RPGRIP1: variants seen among roughly 807,000 people sequenced by gnomAD.
The protein encoded by RPGRIP1 is X-linked retinitis pigmentosa GTPase regulator-interacting protein 1.
Under a neutral mutation model 157.9 loss-of-function variants are expected in RPGRIP1, and 128 were observed. The ratio of observed to expected loss-of-function variants is 0.81; its 90% CI spans 0.70 to 0.94. The LOEUF (loss-of-function observed/expected upper bound fraction) is 0.94. Ranked by LOEUF, RPGRIP1 falls within the 40% of genes least tolerant of loss-of-function variation. The probability of loss-of-function intolerance (pLI) is 0.00; values close to 1 mark genes in which losing one functional copy is unlikely to be tolerated. For synonymous variants in RPGRIP1, 554 were observed against 571.6 expected (o/e 0.97, Z 0.44); for missense variants, 1,486 against 1,545.8 (o/e 0.96, Z 0.65).
chr14:21,309,940 T>TTATC (rs3064199), intron 7 of RPGRIP1, among the ~76,000 whole-genome samples: 132,041 of 149,328 alleles, frequency 0.88, 58,768 homozygotes, highest in East Asian at 1. Flanking sequence ...AATACAAAAA[T>TTATC]TAGGTGTGGT....
chr14:21,325,691 G>GA, intron 16 of RPGRIP1, 140 bp from the exon 17 acceptor site: 1 of 707,036 alleles, frequency 1.4e-6, no homozygotes, highest in East Asian at 2.7e-5. Context: ...GCAGGCAGGT[G>GA]AAGATCATTA....
chr14:21,351,117 A>C lies in RPGRIP1; in HGVS notation c.3762A>C (p.Glu1254Asp), dbSNP rs774057081. Residue 1254 changes from glutamate (E) to aspartate (D), a missense_variant, in exon 25 of 25, where the codon GAA becomes GAC. Transcript: ENST00000400017. ...LEQELDIVSP[E>D]DLATPIGRLK... ...CTTTCCCAACAGTTGTTAGCCCTGA[A>C]GATCTGGCTACCCCAATAGGAAGGC... The C allele has an allele frequency of 6.2e-7, 1 of 1,607,920 alleles. No individual in the cohort carries two copies. The highest frequency in any genetic ancestry group is 8.5e-7 in the Non-Finnish European group (1 of 1,176,246).
intron 21 of RPGRIP1, among the ~76,000 whole-genome samples, chr14:21,341,858 A>G (rs963160085): frequency 6.6e-6 from 1 of 152,030 alleles, no homozygotes; most frequent in African/African-American, 2.4e-5. Flanking sequence ...GATCGAGACC[A>G]TCCTGGCTAA....
At position 21,302,415 on chromosome 14, in the gene RPGRIP1, T is replaced by G. The variant is rs572999672; in HGVS notation, c.491-73T>G. ...TCAAGACTCTATGCCCAGCCCTTCA[T>G]GTTCCAGTTTCAGTACTTGGTGTTC... is the stretch of plus-strand genomic sequence containing the variant. On this transcript the variant is annotated intron_variant, in intron 4 of 24. Transcript: ENST00000400017. 3.8e-5 allele frequency: 28 copies of G among 744,080 alleles called. No individual in the cohort carries two copies. In the South Asian group the frequency reaches 9.4e-4, roughly 25 times the overall value. The allele number at this position is 744,080 out of a possible 1,614,324, so 46.1% of individuals were successfully genotyped here.
At chr14:21,331,534 A>G (rs549687158) in intron 20 of RPGRIP1, among the ~76,000 whole-genome samples, 1 of 152,234 alleles carries the variant, frequency 6.6e-6, no homozygotes, top group Non-Finnish European at 1.5e-5. Context: ...TACAAAAAAC[A>G]AAAAACAGGA....
intron 20 of RPGRIP1, among the ~76,000 whole-genome samples, chr14:21,333,833 G>A (rs115732738): frequency 1.4e-3 from 218 of 151,956 alleles, no homozygotes; most frequent in African/African-American, 5.2e-3. Flanking sequence ...AAGGGGAGGG[G>A]ACAAAGACCC....
intron 21 of RPGRIP1, among the ~76,000 whole-genome samples, chr14:21,339,654 A>G (rs1828154359): frequency 1.3e-5 from 2 of 152,206 alleles, no homozygotes; most frequent in Admixed American, 6.5e-5. Flanking sequence ...TTAAAATAAT[A>G]CATGACCTTT....
chr14:21,324,349 G>GC (rs1172494953), intron 14 of RPGRIP1: 1 of 519,422 alleles, frequency 1.9e-6, no homozygotes, highest in Non-Finnish European at 3.5e-6. Flanking sequence ...GATAAAATGT[G>GC]CCCCCAGTGT....
chr14:21,348,973 TA>T (rs973846965), intron 24 of RPGRIP1, among the ~76,000 whole-genome samples: 1 of 151,804 alleles, frequency 6.6e-6, no homozygotes, highest in Admixed American at 6.6e-5. Flanking sequence ...TCTTGTCTCT[TA>T]AAAAGACATT....
rs139801509 is a variant in RPGRIP1 at position 21,324,209 on chromosome 14, G to C, written c.1763-409G>C. 62 of 302,776 alleles carry C rather than the reference G, an allele frequency of 2.0e-4. 2 individuals are homozygous for C. In the East Asian group the frequency reaches 3.1e-3, roughly 15 times the overall value. 18.8% of individuals were successfully genotyped at this position (302,776 alleles called of 1,614,324 possible). On this transcript the variant is annotated intron_variant, in intron 14 of 24. Coordinates refer to ENST00000400017, the MANE Select transcript of RPGRIP1 (RefSeq NM_020366.4). ...GTCATAGACACTATGTCTGCAACTT[G>C]CTATTATCTCCACGGCCAATATACC...
chr14:21,325,185 G>GCCA, intron 15 of RPGRIP1, 47 bp from the exon 16 acceptor site: 2 of 1,561,894 alleles, frequency 1.3e-6, no homozygotes, highest in South Asian at 2.4e-5. Context: ...CTTGATCCTT[G>GCCA]CCACACCATC....
intron 12 of RPGRIP1, 25 bp downstream of exon 12, chr14:21,320,202 G>C (rs1882247889): frequency 6.3e-7 from 1 of 1,598,700 alleles, no homozygotes; most frequent in South Asian, 1.1e-5. Context: ...AAACAAACTA[G>C]TCCACTCTGC....
chr14:21,327,345 G>C (rs1345875102), intron 17 of RPGRIP1, among the ~76,000 whole-genome samples: 1 of 152,150 alleles, frequency 6.6e-6, no homozygotes, highest in Non-Finnish European at 1.5e-5. Context: ...TTGGCTGGAT[G>C]ACTGATGACA....
At position 21,328,508 on chromosome 14, in the gene RPGRIP1, GAGA is replaced by G; in HGVS notation, c.2983_2985del (p.Lys995del). Reference sequence around the variant, plus strand: ...ACCTCCTCATGGGGGAGAAAGAAAGGAGAAGGAGCACCAGGTTGTGAGCTACTC... The same window carrying G: ...ACCTCCTCATGGGGGAGAAAGAAAGGAGGAGCACCAGGTTGTGAGCTACTC... On this transcript the variant is annotated inframe_deletion, in exon 19 of 25. Coordinates refer to ENST00000400017, the MANE Select transcript of RPGRIP1 (RefSeq NM_020366.4). 11 of 1,613,846 alleles carry G rather than the reference GAGA, an allele frequency of 6.8e-6. No homozygotes were observed. The highest frequency in any genetic ancestry group is 8.5e-6 in the Non-Finnish European group (10 of 1,179,792).
chr14:21,328,389 C>T, intron 18 of RPGRIP1, 35 bp from the exon 19 acceptor site: 1 of 1,502,320 alleles, frequency 6.7e-7, no homozygotes, highest in Non-Finnish European at 9.1e-7. Flanking sequence ...GTTAAACTAC[C>T]AGCTTGTAAT....
In RPGRIP1 at chr14:21,314,736, G is replaced by A. The variant is rs79408890; in HGVS notation, c.1151+2230G>A. On this transcript the variant is annotated intron_variant, in intron 10 of 24. Transcript: ENST00000400017. ...CTCGAAAAAAAAAAAAAAAATAGCCGGGCAGCTGGGCGCAGTGGCTCATGC... is the reference window on the plus strand; with the variant it reads ...CTCGAAAAAAAAAAAAAAAATAGCCAGGCAGCTGGGCGCAGTGGCTCATGC... Among the ~76,000 whole-genome samples, 466 of 146,458 alleles carry A rather than the reference G, an allele frequency of 3.2e-3. 1 individual carries two copies. The highest frequency in any genetic ancestry group is 0.026 in the Middle Eastern group (7 of 274).
chr14:21,313,390 CA>C (rs1019150733), intron 10 of RPGRIP1, among the ~76,000 whole-genome samples: 3 of 149,250 alleles, frequency 2.0e-5, no homozygotes, highest in African/African-American at 7.4e-5. Flanking sequence ...ATAGTAATAG[CA>C]AAAAAACAAA....
At chr14:21,283,712 C>T (rs1880209865) in intron 1 of RPGRIP1, among the ~76,000 whole-genome samples, 1 of 151,358 alleles carries the variant, frequency 6.6e-6, no homozygotes, top group Non-Finnish European at 1.5e-5. Flanking sequence ...GAGTGGAGTG[C>T]AGTGGCACGA....
intron 1 of RPGRIP1, among the ~76,000 whole-genome samples, chr14:21,284,051 A>G (rs9322961): frequency 0.25 from 38,209 of 152,160 alleles, 5,224 homozygotes; most frequent in South Asian, 0.31. Context: ...AGACTATGAC[A>G]TTGGAAAGAT....
Sources: allele counts gnomAD v4.1 joint callset (sites outside exome capture counted in the v4.1 genomes callset), GRCh38; gene constraint gnomAD v4.1.1; transcripts MANE v1.5; gene names NCBI Gene and HGNC (gene_info 2026-07-23, HGNC 2026-07-21).